The following HMCN1 variants were observed in gnomAD, a reference collection of about 807,000 sequenced individuals.
HMCN1 encodes the protein hemicentin 1, also known as hemicentin-1.
Under a neutral mutation model 625.9 loss-of-function variants are expected in HMCN1, and 321 were observed. The observed-to-expected ratio is 0.51, with a 90% confidence interval of 0.47 to 0.56. The LOEUF (loss-of-function observed/expected upper bound fraction) is 0.56. Among genes scored for constraint, HMCN1 ranks in the 20% least tolerant of loss-of-function variants. HMCN1 has a pLI of 0.00. For synonymous variants in HMCN1, 2,425 were observed against 2,417.6 expected, an observed-to-expected ratio of 1.00 and a Z score of -0.09; for missense variants, 6,588 against 6,887.3, an observed-to-expected ratio of 0.96 and a Z score of 1.54.
intron 1 of HMCN1, among the ~76,000 whole-genome samples, chr1:185,773,860 T>C (rs1382332175): frequency 1.3e-5 from 2 of 152,180 alleles, no homozygotes; most frequent in Non-Finnish European, 2.9e-5. Flanking sequence ...GGTGCAGTTA[T>C]GGAATTGGCG....
intron 80 of HMCN1, among the ~76,000 whole-genome samples, chr1:186,122,634 T>C (rs1422714113): frequency 6.6e-6 from 1 of 152,234 alleles, no homozygotes; most frequent in African/African-American, 2.4e-5. Context: ...ACATAATTTA[T>C]GTAAGTTAAA....
At chr1:185,909,550 T>G (rs780011316) in intron 5 of HMCN1, 42 bp downstream of exon 5, 6 of 1,527,358 alleles carry the variant, frequency 3.9e-6, no homozygotes, top group Non-Finnish European at 5.4e-6. Flanking sequence ...ACAAAATACA[T>G]AGAGGGTAAA....
At chr1:185,898,752 A>AACCTAATGCCAGTTACTT (rs1409807103) in intron 4 of HMCN1, among the ~76,000 whole-genome samples, 14 of 152,154 alleles carry the variant, frequency 9.2e-5, no homozygotes, top group Non-Finnish European at 4.4e-5. Flanking sequence ...GATTTTGTAG[A>AACCTAATGCCAGTTACTT]ACCTAATGCC....
At chr1:186,060,805 A>T (rs1657639886) in intron 46 of HMCN1, among the ~76,000 whole-genome samples, 1 of 152,134 alleles carries the variant, frequency 6.6e-6, no homozygotes, top group African/African-American at 2.4e-5. Flanking sequence ...ATGTCACCCA[A>T]ATCTGGGTGT....
chr1:185,943,555 C>T (rs777650874), intron 11 of HMCN1, among the ~76,000 whole-genome samples: 3 of 152,154 alleles, frequency 2.0e-5, no homozygotes, highest in South Asian at 2.1e-4. Flanking sequence ...AGATGGAAGT[C>T]GTGCATTGTA....
chr1:185,914,332 G>A (rs1464711980), intron 6 of HMCN1, among the ~76,000 whole-genome samples: 2 of 152,078 alleles, frequency 1.3e-5, no homozygotes, highest in African/African-American at 4.8e-5. Flanking sequence ...ATTAGATAGT[G>A]TTTCCCTGGT....
intron 46 of HMCN1, among the ~76,000 whole-genome samples, chr1:186,057,844 G>C (rs958038267): frequency 6.6e-6 from 1 of 151,958 alleles, no homozygotes; most frequent in Non-Finnish European, 1.5e-5. Context: ...AGTTTCCTGT[G>C]AGCTAAGACT....
rs1242216070 is a variant in HMCN1 at position 186,076,554 on chromosome 1, C to G, written c.8417C>G (p.Pro2806Arg). 6.2e-7 allele frequency: 1 copy of G among 1,613,728 alleles called. No individual in the cohort carries two copies. Among genetic ancestry groups the G allele is most frequent in the African/African-American group, 1.3e-5 (1 of 74,908 alleles). The change falls in exon 54 of 107, where the codon CCT becomes CGT. Residue 2806 changes from proline to arginine, a missense_variant. Pro to Arg is a moderately radical substitution (Grantham distance 103). Transcript: ENST00000271588. The part of the protein sequence containing the change: ...SLYCETNAAP[P>R]PTLTWYKDGH... ...TACTGTGAGACAAATGCTGCTCCCC[C>G]TCCTACACTGACATGGTACAAAGAT...
At chr1:185,973,965 G>A (rs1388572697) in intron 15 of HMCN1, among the ~76,000 whole-genome samples, 1 of 152,124 alleles carries the variant, frequency 6.6e-6, no homozygotes, top group Non-Finnish European at 1.5e-5. Context: ...GTCACCACAT[G>A]GAGTATATAT....
intron 89 of HMCN1, among the ~76,000 whole-genome samples, chr1:186,143,497 C>G (rs1172796272): frequency 6.6e-6 from 1 of 152,188 alleles, no homozygotes; most frequent in Non-Finnish European, 1.5e-5. Flanking sequence ...TGTGTTAGTT[C>G]CCAAAGGAAG....
intron 22 of HMCN1, among the ~76,000 whole-genome samples, chr1:185,991,983 A>G (rs1022978750): frequency 5.3e-5 from 8 of 152,248 alleles, no homozygotes; most frequent in Non-Finnish European, 1.0e-4. Context: ...TTGGGTGTAA[A>G]ATGGTATCTT....
At chr1:186,050,419 A>G (rs962387661) in intron 42 of HMCN1, among the ~76,000 whole-genome samples, 1 of 152,064 alleles carries the variant, frequency 6.6e-6, no homozygotes, top group African/African-American at 2.4e-5. Context: ...CAGGTGTACC[A>G]TATAAGAAGA....
chr1:185,957,147 ACTTT>A (rs1161499075), intron 11 of HMCN1: 1 of 152,222 alleles, frequency 6.6e-6, no homozygotes, highest in Admixed American at 6.5e-5. Flanking sequence ...TTATGTAAGT[ACTTT>A]CTTGTCCAGT....
chr1:185,773,225 T>C (rs1656368445), intron 1 of HMCN1, among the ~76,000 whole-genome samples: 2 of 152,158 alleles, frequency 1.3e-5, no homozygotes, highest in Admixed American at 1.3e-4. Context: ...GCATGTAGGA[T>C]GTAGATGCCA....
At chr1:186,108,190 T>C (rs1373423937) in intron 70 of HMCN1, among the ~76,000 whole-genome samples, 1 of 152,154 alleles carries the variant, frequency 6.6e-6, no homozygotes, top group African/African-American at 2.4e-5. Flanking sequence ...TGTGCCTCCA[T>C]TTCTTTACTA....
At chr1:185,804,705 T>C (rs1186537544) in intron 1 of HMCN1, among the ~76,000 whole-genome samples, 2 of 152,164 alleles carry the variant, frequency 1.3e-5, no homozygotes, top group African/African-American at 4.8e-5. Flanking sequence ...TTCACACCTT[T>C]AGGACATTTC....
At chr1:186,029,711 C>G (rs939626736) in intron 36 of HMCN1, among the ~76,000 whole-genome samples, 24 of 151,102 alleles carry the variant, frequency 1.6e-4, no homozygotes, top group Non-Finnish European at 2.5e-4. Flanking sequence ...TACTGTTTTT[C>G]TCTTCTCTAT....
At chr1:185,928,200 A>G (rs1263705494) in intron 9 of HMCN1, among the ~76,000 whole-genome samples, 1 of 152,176 alleles carries the variant, frequency 6.6e-6, no homozygotes. Context: ...TCCTACTGAC[A>G]TGACCAAAAA....
chr1:186,094,382 C>A lies in HMCN1; in HGVS notation c.10294+9C>A. 2 of 1,593,948 alleles carry A rather than the reference C, an allele frequency of 1.3e-6. No individual in the cohort carries two copies. Among genetic ancestry groups the A allele is most frequent in the Non-Finnish European group, 1.7e-6 (2 of 1,162,094 alleles). On this transcript the variant is annotated intron_variant, in intron 67 of 106. Coordinates refer to ENST00000271588, the MANE Select transcript of HMCN1 (RefSeq NM_031935.3). Reference sequence around the variant, plus strand: ...CAATCTTCAAGTGTTTGGTATGTGTCACAGAAATGACCCTATTACTTTGCT... The same window carrying A: ...CAATCTTCAAGTGTTTGGTATGTGTAACAGAAATGACCCTATTACTTTGCT...
Sources: allele counts gnomAD v4.1 joint callset (sites outside exome capture counted in the v4.1 genomes callset), GRCh38; gene constraint gnomAD v4.1.1; transcripts MANE v1.5; gene names NCBI Gene and HGNC (gene_info 2026-07-23, HGNC 2026-07-21).